The following PIK3C2B variants were observed in gnomAD, a reference collection of about 807,000 sequenced individuals.
The protein encoded by PIK3C2B is phosphatidylinositol 4-phosphate 3-kinase C2 domain-containing subunit beta.
In PIK3C2B, 83 loss-of-function variants were observed where a neutral mutation model predicts 184.3. The observed-to-expected ratio is 0.45, with a 90% CI of 0.38 to 0.54. The LOEUF (loss-of-function observed/expected upper bound fraction) is 0.54, where lower values mean the gene tolerates loss of function less well. Ranked by LOEUF, PIK3C2B falls within the 20% of genes least tolerant of loss-of-function variation. PIK3C2B has a pLI of 0.00. For synonymous variants in PIK3C2B, 779 were observed against 837.6 expected (o/e 0.93, Z 1.21); for missense variants, 1,736 against 2,113.5 (o/e 0.82, Z 3.50).
At chr1:204,427,558 C>A in intron 31 of PIK3C2B, 90 bp downstream of exon 31, 2 of 812,714 alleles carry the variant, frequency 2.5e-6, no homozygotes, top group South Asian at 2.9e-5. Context: ...GGTGGTTACC[C>A]ATATGACACG....
intron 1 of PIK3C2B, among the ~76,000 whole-genome samples, chr1:204,491,655 C>T (rs1296928732): frequency 6.6e-6 from 1 of 152,242 alleles, no homozygotes; most frequent in South Asian, 2.1e-4. Context: ...GGGAGAGACC[C>T]TGTCTCAAGA....
At position 204,427,641 on chromosome 1, in the gene PIK3C2B, C is replaced by G. The variant is rs200530206; in HGVS notation, c.4587+7G>C. 2 of 1,583,220 alleles carry G rather than the reference C, an allele frequency of 1.3e-6. No individual in the cohort carries two copies. Among genetic ancestry groups the G allele is most frequent in the Non-Finnish European group, 1.7e-6 (2 of 1,151,976 alleles). ...AGAAAAAAAATCACGGCTGTGCAGG[C>G]ACTTACCAAGCCCCGAATATGCATC... On this transcript the variant is annotated splice_region_variant and intron_variant, in intron 31 of 32. Transcript: ENST00000684373.
At position 204,494,644 on chromosome 1, in the gene PIK3C2B, G is replaced by C. The variant is rs1033555944; in HGVS notation, c.-373C>G. Reference sequence around the variant, plus strand: ...CGCCGAGAGCGTGCGCGAGCTCGCAGAGTCAGGCCACCCCGGGTGAGACAA... The same window carrying C: ...CGCCGAGAGCGTGCGCGAGCTCGCACAGTCAGGCCACCCCGGGTGAGACAA... On this transcript the variant is annotated 5_prime_UTR_variant, in exon 1 of 33. Transcript: ENST00000684373. 1 of 152,492 alleles carries C rather than the reference G, an allele frequency of 6.6e-6. No individual in the cohort carries two copies. Among genetic ancestry groups the C allele is most frequent in the Non-Finnish European group, 1.5e-5 (1 of 68,230 alleles). The allele number at this position is 152,492 out of a possible 1,614,324, so 9.4% of individuals were successfully genotyped here. A position where few individuals can be genotyped will look rare whatever the true frequency, so the allele number is the denominator to read the frequency against.
chr1:204,461,536 T>C (rs577517268), intron 5 of PIK3C2B, among the ~76,000 whole-genome samples: 1 of 151,482 alleles, frequency 6.6e-6, no homozygotes, highest in Non-Finnish European at 1.5e-5. Context: ...AGGCCAGAAA[T>C]GGAGAGGAGA....
rs566340782 is a variant in PIK3C2B at position 204,429,846 on chromosome 1, C to T, written c.4398+75G>A. ...TCCTGTTCCTGACTCCTAGTGCCTC[C>T]GGATGCTTCCACCTCTGCCTCCCCA... On this transcript the variant is annotated intron_variant, in intron 29 of 32. Coordinates refer to ENST00000684373, the MANE Select transcript of PIK3C2B (RefSeq NM_001377334.1). 4 of 942,866 alleles carry T rather than the reference C, an allele frequency of 4.2e-6. No individual in the cohort carries two copies. The African/African-American group carries it at 4.8e-5, about 11-fold the overall frequency. The allele number at this position is 942,866 out of a possible 1,614,324, so 58.4% of individuals were successfully genotyped here. A position where few individuals can be genotyped will look rare whatever the true frequency, so the allele number is the denominator to read the frequency against.
chr1:204,485,118 G>T (rs953344438), intron 1 of PIK3C2B, among the ~76,000 whole-genome samples: 7 of 151,502 alleles, frequency 4.6e-5, no homozygotes, highest in Admixed American at 1.3e-4. Flanking sequence ...GTGTGATCAC[G>T]GATCACTGCA....
intron 31 of PIK3C2B, among the ~76,000 whole-genome samples, chr1:204,427,298 A>G (rs571672885): frequency 6.6e-6 from 1 of 152,214 alleles, no homozygotes; most frequent in Non-Finnish European, 1.5e-5. Flanking sequence ...CCTCTCCCTT[A>G]TAATTACTAT....
rs192779981 is a variant in PIK3C2B, at chr1:204,479,330, T to C, written c.-84-9444A>G. Reference sequence around the variant, plus strand: ...CCAGGTTCCAAGGGCATGGTAGTTATGAGGGACTCCTCCAGCTTTCTTGGC... The same window carrying C: ...CCAGGTTCCAAGGGCATGGTAGTTACGAGGGACTCCTCCAGCTTTCTTGGC... On this transcript the variant is annotated intron_variant, in intron 1 of 32. Coordinates refer to ENST00000684373, the MANE Select transcript of PIK3C2B (RefSeq NM_001377334.1). 4.4e-3 allele frequency among the ~76,000 whole-genome samples: 666 copies of C among 152,060 alleles called. 7 individuals carry two copies. The highest frequency in any genetic ancestry group is 6.9e-3 in the Non-Finnish European group (468 of 67,964).
chr1:204,482,609 A>AC (rs1447291998), intron 1 of PIK3C2B, among the ~76,000 whole-genome samples: 2 of 151,882 alleles, frequency 1.3e-5, no homozygotes, highest in Non-Finnish European at 2.9e-5. Context: ...ACATGGTGAA[A>AC]CCCCGTCTCC....
chr1:204,477,263 T>C (rs928164433), intron 1 of PIK3C2B, among the ~76,000 whole-genome samples: 7 of 152,186 alleles, frequency 4.6e-5, no homozygotes, highest in African/African-American at 1.7e-4. Context: ...GGTGAGTCCC[T>C]GGATGCTGGA....
In PIK3C2B at chr1:204,449,875, T is replaced by G; in HGVS notation, c.2209A>C (p.Thr737Pro). The G allele has an allele frequency of 6.2e-7, 1 of 1,612,960 alleles. No homozygotes were observed. The highest frequency in any genetic ancestry group is 8.5e-7 in the Non-Finnish European group (1 of 1,179,456). The change falls in exon 13 of 33, where the codon ACT (threonine) becomes CCT (proline). Residue 737 changes from threonine (T) to proline (P), a missense_variant. This residue lies in a region of PIK3C2B where 609 missense variants were observed against 699.2 expected (regional missense o/e 0.87). Coordinates refer to ENST00000684373, the MANE Select transcript of PIK3C2B (RefSeq NM_001377334.1). The stretch of plus-strand genomic sequence containing the variant: ...TGCCTGAAGTTGAAGAGTGGGGTAG[T>G]GACCCAGCCCAGGGCTTCAGGCACC... ...RRVPEALGWV[T>P]TPLFNFRQVL...
rs541953272 is a variant in PIK3C2B, at chr1:204,474,941, C to T, written c.-84-5055G>A. On this transcript the variant is annotated intron_variant, in intron 1 of 32. Coordinates refer to ENST00000684373, the MANE Select transcript of PIK3C2B (RefSeq NM_001377334.1). Reference sequence around the variant, plus strand: ...CATCCTAGAGTCCCCCTTCCTTTCACCCCTCTCTCTAATTGCCAAGGCCTG... The same window carrying T: ...CATCCTAGAGTCCCCCTTCCTTTCATCCCTCTCTCTAATTGCCAAGGCCTG... 4.0e-5 allele frequency among the ~76,000 whole-genome samples: 6 copies of T among 151,608 alleles called. No individual in the cohort carries two copies. In the South Asian group the frequency reaches 1.2e-3, roughly 32 times the overall value.
intron 1 of PIK3C2B, among the ~76,000 whole-genome samples, chr1:204,484,570 TA>T (rs1031438718): frequency 1.3e-5 from 2 of 152,060 alleles, no homozygotes; most frequent in Admixed American, 6.6e-5. Context: ...CCGTCCCTAC[TA>T]AAAATACTAA....
At chr1:204,483,612 T>C (rs573717674) in intron 1 of PIK3C2B, among the ~76,000 whole-genome samples, 8 of 152,260 alleles carry the variant, frequency 5.3e-5, no homozygotes, top group African/African-American at 1.9e-4. Context: ...ATGAAGATTT[T>C]GAAAAAAGAA....
intron 28 of PIK3C2B, among the ~76,000 whole-genome samples, chr1:204,430,363 T>TG (rs1399684870): frequency 1.3e-5 from 2 of 151,958 alleles, no homozygotes; most frequent in South Asian, 2.1e-4. Context: ...TTTTTTTTTT[T>TG]GAGATGGAGT....
chr1:204,452,288 CTTTTT>C (rs71145086), intron 12 of PIK3C2B, among the ~76,000 whole-genome samples: 6 of 71,078 alleles, frequency 8.4e-5, no homozygotes, highest in South Asian at 6.5e-4. Context: ...GTGCAGCACC[CTTTTT>C]TTTTTTTTTT....
chr1:204,454,594 C>G, intron 12 of PIK3C2B, 75 bp downstream of exon 12: 3 of 1,510,882 alleles, frequency 2.0e-6, no homozygotes, highest in South Asian at 2.4e-5. Flanking sequence ...GACTAGTTAT[C>G]TGGCCCCAGG....
At chr1:204,438,874 AGCTGTGTGCCG>A in intron 23 of PIK3C2B, 50 bp downstream of exon 23, 2 of 1,566,312 alleles carry the variant, frequency 1.3e-6, no homozygotes, top group Non-Finnish European at 1.7e-6. Context: ...GTGGTTAAAG[AGCTGTGTGCCG>A]GCATCAGGCA....
rs1289583159 is a variant in PIK3C2B at position 204,446,061 on chromosome 1, GC to G, written c.2572del (p.Ala858ProfsTer18). The G allele has an allele frequency of 6.2e-7, 1 of 1,601,642 alleles. No individual in the cohort carries two copies. The highest frequency in any genetic ancestry group is 2.2e-5 in the East Asian group (1 of 44,456). The part of the protein sequence containing the change: ...SEVSSLPLVL[A>X]SAPSWEWACL... ...AGCCCACTCCCAGCTGGGGGCGCTG[GC>G]GAGCACCAGGGGGAGCGAGCTCACC... On this transcript the variant is annotated frameshift_variant, in exon 16 of 33. Transcript: ENST00000684373. LOFTEE classifies it high-confidence loss of function.
Sources: gnomAD v4.1 joint callset for allele counts (sites outside exome capture counted in the v4.1 genomes callset) on GRCh38, gnomAD v4.1.1 for gene constraint, gnomAD v4.1.1 regional missense constraint, MANE v1.5 for transcripts, NCBI Gene and HGNC (gene_info 2026-07-23, HGNC 2026-07-21) for gene names.